UNC5B: variants seen among roughly 807,000 people sequenced by gnomAD.
UNC5B encodes the protein unc-5 netrin receptor B.
UNC5B carries 56 observed loss-of-function variants against 103.7 expected under a neutral mutation model. The ratio of observed to expected loss-of-function variants is 0.54; its 90% CI spans 0.44 to 0.67. The LOEUF (loss-of-function observed/expected upper bound fraction) is 0.67, where lower values mean the gene tolerates loss of function less well. Ranked by LOEUF, UNC5B falls within the 30% of genes least tolerant of loss-of-function variation. UNC5B has a pLI of 0.00. For synonymous variants in UNC5B, 577 were observed against 542.0 expected, an observed-to-expected ratio of 1.06 and a Z score of -0.90; for missense variants, 1,194 against 1,284.5, an observed-to-expected ratio of 0.93 and a Z score of 1.08.
intron 1 of UNC5B, among the ~76,000 whole-genome samples, chr10:71,262,892 G>A (rs1844443977): frequency 6.6e-6 from 1 of 152,184 alleles, no homozygotes; most frequent in South Asian, 2.1e-4. Flanking sequence ...AGTCGATGGG[G>A]GCACAGACAT....
At chr10:71,252,790 A>G (rs927374859) in intron 1 of UNC5B, among the ~76,000 whole-genome samples, 46 of 152,164 alleles carry the variant, frequency 3.0e-4, no homozygotes, top group African/African-American at 1.1e-3. Flanking sequence ...GTAGCAGTGA[A>G]GTCCATTCCA....
intron 1 of UNC5B, among the ~76,000 whole-genome samples, chr10:71,231,633 G>A (rs897318507): frequency 4.6e-5 from 7 of 152,028 alleles, no homozygotes; most frequent in Admixed American, 6.6e-5. Flanking sequence ...ACAATCGTAC[G>A]TAAAAATCTT....
At chr10:71,214,017 G>C (rs1234063847) in intron 1 of UNC5B, among the ~76,000 whole-genome samples, 3 of 152,020 alleles carry the variant, frequency 2.0e-5, no homozygotes, top group South Asian at 2.1e-4. Context: ...GCGTCTTCTC[G>C]GGGAGGCTGT....
intron 1 of UNC5B, among the ~76,000 whole-genome samples, chr10:71,262,305 G>A (rs1316242901): frequency 4.6e-5 from 7 of 152,098 alleles, no homozygotes; most frequent in South Asian, 4.2e-4. Context: ...TACTGGGTCC[G>A]GGCTGGAGTG....
chr10:71,264,144 C>G (rs1306572610), intron 1 of UNC5B, among the ~76,000 whole-genome samples: 1 of 152,182 alleles, frequency 6.6e-6, no homozygotes, highest in Non-Finnish European at 1.5e-5. Flanking sequence ...AGAATCTTTC[C>G]TCTGCCACTT....
rs756557642 is a variant in UNC5B at position 71,291,697 on chromosome 10, C to T, written c.1560C>T (p.His520=). 1.2e-6 allele frequency: 2 copies of T among 1,613,252 alleles called. No individual in the cohort carries two copies. Among genetic ancestry groups the T allele is most frequent in the African/African-American group, 1.3e-5 (1 of 75,066 alleles). ...TYPSDFARDT[H]FLHLRSASLG... is the part of the protein sequence containing the mutation. Reference sequence around the variant, plus strand: ...CTAGCGATTTCGCCCGGGACACCCACTTCCTGCACCTGCGCAGCGCCAGCC... The same window carrying T: ...CTAGCGATTTCGCCCGGGACACCCATTTCCTGCACCTGCGCAGCGCCAGCC... Residue 520 remains histidine, a synonymous_variant, in exon 10 of 17, where the codon CAC becomes CAT. Transcript: ENST00000335350.
At chr10:71,273,671 C>T (rs573092136) in intron 1 of UNC5B, among the ~76,000 whole-genome samples, 4 of 152,342 alleles carry the variant, frequency 2.6e-5, no homozygotes, top group African/African-American at 7.2e-5. Flanking sequence ...AGCCTACAGA[C>T]GGGCACAGGG....
At chr10:71,242,961 G>A (rs970717543) in intron 1 of UNC5B, among the ~76,000 whole-genome samples, 14 of 152,198 alleles carry the variant, frequency 9.2e-5, no homozygotes, top group East Asian at 1.9e-4. Context: ...AGCCGGGCGC[G>A]GTGGCTCAGG....
intron 9 of UNC5B, 95 bp from the exon 10 acceptor site, chr10:71,291,337 T>C: frequency 6.6e-7 from 1 of 1,515,014 alleles, no homozygotes; most frequent in Non-Finnish European, 8.8e-7. Flanking sequence ...CAATTGGGCC[T>C]TTCACAGCTG....
Position 71,213,728 on chromosome 10 carries a change from A to AGTGTGT in UNC5B, c.79+693_79+698dup, listed in dbSNP as rs58235566. Among the ~76,000 whole-genome samples the AGTGTGT allele has an allele frequency of 0.044, 5,748 of 131,384 alleles. 238 individuals carry two copies. The highest frequency in any genetic ancestry group is 0.23 in the East Asian group (1,047 of 4,460). 86.2% of individuals were successfully genotyped at this position (131,384 alleles called of 152,430 possible). A position where few individuals can be genotyped will look rare whatever the true frequency, so the allele number is the denominator to read the frequency against. Reference sequence around the variant, plus strand: ...ATTATTAATTTTCTGAGTGTTGGAGAGTGTGTGTGTGTGTGTGTGTGTGTG... The same window carrying AGTGTGT: ...ATTATTAATTTTCTGAGTGTTGGAGAGTGTGTGTGTGTGTGTGTGTGTGTGTGTGTG... On this transcript the variant is annotated intron_variant, in intron 1 of 16. Transcript: ENST00000335350. This position sits in a 1 kb window ranked among gnomAD's most constrained non-coding sequence, Gnocchi z 4.1.
At chr10:71,223,945 G>A (rs1374210772) in intron 1 of UNC5B, among the ~76,000 whole-genome samples, 1 of 152,226 alleles carries the variant, frequency 6.6e-6, no homozygotes. Flanking sequence ...GTGCAGGAGA[G>A]CAGTTCTGGC....
chr10:71,293,679 C>T lies in UNC5B; in HGVS notation c.1942-21C>T, dbSNP rs56312213. ...GCCTGAATAACTGTGACCACTACCC[C>T]ACCCTTGCTGTCCCCTACAGGAGGT... On this transcript the variant is annotated intron_variant, in intron 12 of 16. Transcript: ENST00000335350. 5.6e-3 allele frequency: 8,950 copies of T among 1,596,596 alleles called. 281 individuals are homozygous for T. The African/African-American group carries it at 0.083, about 15-fold the overall frequency.
At chr10:71,239,653 C>T (rs1173306960) in intron 1 of UNC5B, among the ~76,000 whole-genome samples, 4 of 152,184 alleles carry the variant, frequency 2.6e-5, no homozygotes, top group African/African-American at 9.7e-5. Context: ...CACCCCCAGT[C>T]CTCTGTTCAG....
chr10:71,285,185 A>G (rs1368259743), intron 3 of UNC5B, 141 bp from the exon 4 acceptor site: 7 of 917,654 alleles, frequency 7.6e-6, no homozygotes, highest in Non-Finnish European at 1.2e-5. Flanking sequence ...TTTGGAGAAG[A>G]GGAAATTTCC....
intron 1 of UNC5B, among the ~76,000 whole-genome samples, chr10:71,235,721 C>T (rs1843763735): frequency 1.3e-5 from 2 of 152,218 alleles, no homozygotes; most frequent in Admixed American, 6.5e-5. Flanking sequence ...CTGGTGTGGC[C>T]TCTTGGCCTC....
At chr10:71,270,999 G>A (rs1339830595) in intron 1 of UNC5B, among the ~76,000 whole-genome samples, 2 of 152,200 alleles carry the variant, frequency 1.3e-5, no homozygotes, top group Non-Finnish European at 1.5e-5. Context: ...GGCTGGGCAT[G>A]TGTGTGTCTG....
chr10:71,292,331 T>C (rs1400645875), intron 10 of UNC5B, 136 bp from the exon 11 acceptor site: 22 of 721,202 alleles, frequency 3.1e-5, no homozygotes, highest in Admixed American at 2.5e-5. Flanking sequence ...CCCCAGACCC[T>C]GTCTCCCACC....
chr10:71,295,757 A>G, intron 13 of UNC5B, 54 bp from the exon 14 acceptor site: 1 of 1,584,582 alleles, frequency 6.3e-7, no homozygotes, highest in South Asian at 1.1e-5. Context: ...GCCACAGAAG[A>G]GGCCCATTGG....
At chr10:71,225,527 G>A (rs538773580) in intron 1 of UNC5B, among the ~76,000 whole-genome samples, 4 of 152,292 alleles carry the variant, frequency 2.6e-5, no homozygotes, top group East Asian at 1.9e-4. Context: ...CGGGTGCCAC[G>A]TCAGAGAAGG....
Sources: gnomAD v4.1 joint callset for allele counts (sites outside exome capture counted in the v4.1 genomes callset) on GRCh38, gnomAD v4.1.1 for gene constraint, Gnocchi (gnomAD v3.1) non-coding constraint, MANE v1.5 for transcripts, NCBI Gene and HGNC (gene_info 2026-07-23, HGNC 2026-07-21) for gene names.